Variants in LSAMP observed in about 807,000 individuals in gnomAD.
LSAMP encodes the protein limbic system-associated membrane protein.
LSAMP carries 7 observed loss-of-function variants against 38.6 expected under a neutral mutation model. That is an observed-to-expected ratio of 0.18 (90% CI 0.10 to 0.34). The LOEUF (loss-of-function observed/expected upper bound fraction) is 0.34. LSAMP is among the 10% of genes least tolerant of loss of function. LSAMP has a pLI of 1.00. For synonymous variants in LSAMP, 154 were observed against 166.8 expected (o/e 0.92, Z 0.59); for missense variants, 313 against 420.0 (o/e 0.75, Z 2.23).
intron 1 of LSAMP, among the ~76,000 whole-genome samples, chr3:116,268,478 G>A (rs925187214): frequency 6.6e-5 from 10 of 152,070 alleles, no homozygotes; most frequent in Non-Finnish European, 2.9e-5. Flanking sequence ...AAGACAACCA[G>A]CTCTTTATAT....
chr3:115,942,358 A>G (rs1455812239), intron 3 of LSAMP, among the ~76,000 whole-genome samples: 1 of 152,164 alleles, frequency 6.6e-6, no homozygotes, highest in Non-Finnish European at 1.5e-5. Context: ...AACGGTCATA[A>G]TTCAAAGGAG....
intron 6 of LSAMP, among the ~76,000 whole-genome samples, chr3:115,832,864 A>G (rs1934661099): frequency 6.6e-6 from 1 of 152,200 alleles, no homozygotes; most frequent in Non-Finnish European, 1.5e-5. Flanking sequence ...GGGAAATATG[A>G]AGTTCAAGAA....
chr3:116,210,582 C>G (rs565433286), intron 1 of LSAMP, among the ~76,000 whole-genome samples: 1 of 152,154 alleles, frequency 6.6e-6, no homozygotes, highest in Non-Finnish European at 1.5e-5. Context: ...TTTTGGGACT[C>G]GGACTGGCTT....
chr3:116,080,818 A>C (rs934002772), intron 2 of LSAMP, among the ~76,000 whole-genome samples: 4 of 16,748 alleles, frequency 2.4e-4, no homozygotes, highest in African/African-American at 7.3e-4. Flanking sequence ...CAAAATTCAC[A>C]CTAAGAACAA....
chr3:116,041,152 G>T (rs901108834), intron 2 of LSAMP, among the ~76,000 whole-genome samples: 1 of 152,078 alleles, frequency 6.6e-6, no homozygotes, highest in Non-Finnish European at 1.5e-5. Flanking sequence ...TCAAACTACT[G>T]GCCTCAAGTA....
intron 3 of LSAMP, among the ~76,000 whole-genome samples, chr3:115,939,540 C>CT (rs1382223553): frequency 1.3e-5 from 1 of 79,526 alleles, no homozygotes; most frequent in East Asian, 7.7e-4. Flanking sequence ...CTCTTTCTTT[C>CT]TTTCTTTCTT....
At chr3:116,153,725 C>A (rs1466137237) in intron 1 of LSAMP, among the ~76,000 whole-genome samples, 1 of 152,016 alleles carries the variant, frequency 6.6e-6, no homozygotes, top group Non-Finnish European at 1.5e-5. Context: ...ATAGTTTTAA[C>A]TCTTTGGCTT....
intron 1 of LSAMP, among the ~76,000 whole-genome samples, chr3:116,126,199 A>C (rs1709005079): frequency 6.6e-6 from 1 of 152,252 alleles, no homozygotes; most frequent in Non-Finnish European, 1.5e-5. Flanking sequence ...TCTGGACCTC[A>C]CACTGAATTT....
chr3:116,398,745 A>G lies in LSAMP; in HGVS notation c.155+46132T>C, dbSNP rs748362279. Among the ~76,000 whole-genome samples, 18 of 152,330 alleles carry G rather than the reference A, an allele frequency of 1.2e-4. 1 individual carries two copies. The Middle Eastern group carries it at 0.017, about 144-fold the overall frequency. On this transcript the variant is annotated intron_variant, in intron 1 of 6. Coordinates refer to ENST00000490035, the MANE Select transcript of LSAMP (RefSeq NM_002338.5). ...GTCAGTATAATTGGGCCATTCATGT[A>G]TTAAGAATCTATAGGTACCAGCCTG...
chr3:116,054,132 C>G (rs1300620967), intron 2 of LSAMP, among the ~76,000 whole-genome samples: 1 of 152,168 alleles, frequency 6.6e-6, no homozygotes, highest in African/African-American at 2.4e-5. Flanking sequence ...TTTAAAGGCT[C>G]TCTGCATTCC....
rs144839258 is a variant in LSAMP, at chr3:116,156,519, G to T, written c.156-69963C>A. Among the ~76,000 whole-genome samples, 253 of 152,232 alleles carry T rather than the reference G, an allele frequency of 1.7e-3. 3 individuals carry two copies. Among genetic ancestry groups the T allele is most frequent in the African/African-American group, 5.9e-3 (244 of 41,552 alleles). ...CTGGATGTCGGTGGACAGAAAGTGT[G>T]ATGTGATGGTGATATTGCTACTAAA... On this transcript the variant is annotated intron_variant, in intron 1 of 6. Transcript: ENST00000490035.
chr3:116,305,676 T>G (rs1383522740), intron 1 of LSAMP, among the ~76,000 whole-genome samples: 2 of 152,110 alleles, frequency 1.3e-5, no homozygotes, highest in African/African-American at 4.8e-5. Context: ...AATTATATTA[T>G]TTGTATTAAT....
At chr3:115,842,725 G>T in intron 4 of LSAMP, 147 bp from the exon 5 acceptor site, 2 of 901,916 alleles carry the variant, frequency 2.2e-6, no homozygotes, top group Non-Finnish European at 3.2e-6. Context: ...TATGTGATCA[G>T]CTCAATGGGG....
At chr3:116,281,012 G>A (rs959199185) in intron 1 of LSAMP, among the ~76,000 whole-genome samples, 29 of 152,050 alleles carry the variant, frequency 1.9e-4, no homozygotes, top group African/African-American at 6.5e-4. Flanking sequence ...GGAAGAGACA[G>A]GAAGGAAAGA....
chr3:116,205,328 T>A (rs2046051790), intron 1 of LSAMP, among the ~76,000 whole-genome samples: 1 of 132,428 alleles, frequency 7.6e-6, no homozygotes, highest in African/African-American at 2.9e-5. Context: ...TTTCTAGATA[T>A]ACAATCATGT....
At chr3:115,833,211 T>C (rs909219888) in intron 6 of LSAMP, among the ~76,000 whole-genome samples, 1 of 152,184 alleles carries the variant, frequency 6.6e-6, no homozygotes, top group African/African-American at 2.4e-5. Flanking sequence ...AACATAAATG[T>C]GTTAAAATAA....
chr3:116,398,533 T>C (rs906243953), intron 1 of LSAMP, among the ~76,000 whole-genome samples: 2 of 152,164 alleles, frequency 1.3e-5, no homozygotes, highest in Non-Finnish European at 2.9e-5. Context: ...TTTGTTTTGA[T>C]GAAATAGAAA....
chr3:116,338,427 T>C (rs900971972), intron 1 of LSAMP, among the ~76,000 whole-genome samples: 4 of 152,046 alleles, frequency 2.6e-5, no homozygotes, highest in Non-Finnish European at 4.4e-5. Context: ...GTCTCTTCTC[T>C]CCCATTCCAC....
At position 115,807,124 on chromosome 3, in the gene LSAMP, A is replaced by G. The variant is rs1577024578; in HGVS notation, c.*3193T>C. On this transcript the variant is annotated 3_prime_UTR_variant, in exon 7 of 7. Transcript: ENST00000490035. Reference sequence around the variant, plus strand: ...TTTCAAACTTTGATTACCAAGGGACAAGATTCTTGAAGGAATTTATTCCAA... The same window carrying G: ...TTTCAAACTTTGATTACCAAGGGACGAGATTCTTGAAGGAATTTATTCCAA... The G allele has an allele frequency of 6.6e-6, 1 of 152,322 alleles. No individual in the cohort carries two copies. Among genetic ancestry groups the G allele is most frequent in the East Asian group, 1.9e-4 (1 of 5,190 alleles). The allele number at this position is 152,322 out of a possible 1,614,324, so 9.4% of individuals were successfully genotyped here. A position where few individuals can be genotyped will look rare whatever the true frequency, so the allele number is the denominator to read the frequency against.
Sources: allele counts gnomAD v4.1 joint callset (sites outside exome capture counted in the v4.1 genomes callset), GRCh38; gene constraint gnomAD v4.1.1; transcripts MANE v1.5; gene names NCBI Gene and HGNC (gene_info 2026-07-23, HGNC 2026-07-21).